Variants in SIL1 observed in about 807,000 individuals in gnomAD.
SIL1 encodes SIL1 nucleotide exchange factor.
In SIL1, 40 loss-of-function variants were observed where a neutral mutation model predicts 49.1. The observed-to-expected ratio is 0.81, with a 90% confidence interval of 0.63 to 1.06. SIL1 has a LOEUF of 1.06. Among genes scored for constraint, SIL1 ranks in the 50% least tolerant of loss-of-function variants. SIL1 has a pLI of 0.00. For synonymous variants in SIL1, 253 were observed against 250.8 expected (o/e 1.01, Z -0.08); for missense variants, 500 against 572.6 (o/e 0.87, Z 1.29).
intron 7 of SIL1, chr5:138,953,199 A>C (rs905850216): frequency 3.9e-5 from 6 of 152,180 alleles, no homozygotes; most frequent in Non-Finnish European, 7.3e-5. Flanking sequence ...GTTCCTCCTA[A>C]CTCCCAACCC....
intron 1 of SIL1, among the ~76,000 whole-genome samples, chr5:139,153,535 G>T (rs569481785): frequency 6.6e-6 from 1 of 152,176 alleles, no homozygotes; most frequent in South Asian, 2.1e-4. Flanking sequence ...GTTCTATCCT[G>T]GTTCACCCCC....
intron 7 of SIL1, among the ~76,000 whole-genome samples, chr5:138,982,103 T>C (rs1204975292): frequency 6.6e-6 from 1 of 152,224 alleles, no homozygotes; most frequent in African/African-American, 2.4e-5. Flanking sequence ...ATGTTGTAGG[T>C]ACTTTTTTCT....
rs201693907 is a variant in SIL1 at position 139,178,493 on chromosome 5, ACT to A, written c.-11+19774_-11+19775del. Among the ~76,000 whole-genome samples, 100 of 151,024 alleles carry A rather than the reference ACT, an allele frequency of 6.6e-4. 1 individual carries two copies. In the East Asian group the frequency reaches 0.017, roughly 26 times the overall value. On this transcript the variant is annotated intron_variant, in intron 1 of 9. Coordinates refer to ENST00000394817, the MANE Select transcript of SIL1 (RefSeq NM_022464.5). The stretch of plus-strand genomic sequence containing the variant: ...CCTCCAACCTCAGCTGGCTCCTCTC[ACT>A]CTCTGTGCTCCAACCATACTTTCAG...
rs575892402 is a variant in SIL1 at position 139,144,045 on chromosome 5, G to A, written c.-10-16192C>T. On this transcript the variant is annotated intron_variant, in intron 1 of 9. Coordinates refer to ENST00000394817, the MANE Select transcript of SIL1 (RefSeq NM_022464.5). ...ATGATAGTATTACCCAAAGCAATAC[G>A]CAGATGCAACGCAATCCCTTTCAAA... Among the ~76,000 whole-genome samples the A allele has an allele frequency of 2.6e-5, 4 of 152,362 alleles. No individual in the cohort carries two copies. The East Asian group carries it at 5.8e-4, about 22-fold the overall frequency.
chr5:138,999,723 C>A (rs34035808), intron 7 of SIL1, among the ~76,000 whole-genome samples: 1 of 152,104 alleles, frequency 6.6e-6, no homozygotes, highest in Non-Finnish European at 1.5e-5. Context: ...TTACTGAAAT[C>A]GTTTATCAGT....
chr5:138,954,574 C>A (rs545696030), intron 7 of SIL1, among the ~76,000 whole-genome samples: 1 of 152,276 alleles, frequency 6.6e-6, no homozygotes. Flanking sequence ...ATGAGGCTTG[C>A]GCTTCCAGCT....
At chr5:139,044,805 T>G (rs1475428476) in intron 4 of SIL1, among the ~76,000 whole-genome samples, 1 of 152,156 alleles carries the variant, frequency 6.6e-6, no homozygotes, top group Non-Finnish European at 1.5e-5. Flanking sequence ...CTCCACAGTC[T>G]CTTCTGGTTA....
chr5:139,171,697 TA>T (rs200709072), intron 1 of SIL1, among the ~76,000 whole-genome samples: 40 of 69,320 alleles, frequency 5.8e-4, no homozygotes, highest in Non-Finnish European at 1.2e-3. Flanking sequence ...GAATGATCAA[TA>T]AAAAAAAATA....
intron 7 of SIL1, chr5:139,013,623 G>C (rs1241864400): frequency 1.3e-5 from 2 of 152,188 alleles, no homozygotes; most frequent in African/African-American, 2.4e-5. Flanking sequence ...TTCCCCTGCA[G>C]TTACACAGAG....
At chr5:139,098,809 C>CTTTTTTTTTTTTT (rs59863544) in intron 3 of SIL1, among the ~76,000 whole-genome samples, 1 of 89,048 alleles carries the variant, frequency 1.1e-5, no homozygotes, top group Non-Finnish European at 2.1e-5. Context: ...TTTTCTTACT[C>CTTTTTTTTTTTTT]TTTTTTTTTT....
At chr5:139,185,219 G>A (rs1375299184) in intron 1 of SIL1, among the ~76,000 whole-genome samples, 3 of 152,164 alleles carry the variant, frequency 2.0e-5, no homozygotes, top group Admixed American at 6.5e-5. Flanking sequence ...GTCAGGGTGT[G>A]TGAGTGTACC....
chr5:139,071,426 T>G (rs1769832214), intron 3 of SIL1, among the ~76,000 whole-genome samples: 1 of 152,206 alleles, frequency 6.6e-6, no homozygotes, highest in Non-Finnish European at 1.5e-5. Flanking sequence ...CCTGCTGAAG[T>G]GCTCGGCAAA....
At chr5:139,121,315 TC>T in intron 2 of SIL1, 142 bp from the exon 3 acceptor site, 2 of 1,170,542 alleles carry the variant, frequency 1.7e-6, no homozygotes, top group Non-Finnish European at 2.5e-6. Context: ...GCAATTCCTT[TC>T]CCAAGGTCAG....
At chr5:139,053,135 G>C (rs1769330302) in intron 3 of SIL1, among the ~76,000 whole-genome samples, 1 of 152,132 alleles carries the variant, frequency 6.6e-6, no homozygotes, top group African/African-American at 2.4e-5. Context: ...CACCTGGAGA[G>C]ATCCCAAACT....
At chr5:139,035,398 T>C in intron 5 of SIL1, 2 of 539,604 alleles carry the variant, frequency 3.7e-6, no homozygotes, top group Non-Finnish European at 3.7e-6. Flanking sequence ...TTGAGGGCTT[T>C]GACGATCAGG....
intron 1 of SIL1, among the ~76,000 whole-genome samples, chr5:139,185,379 C>T (rs554396260): frequency 1.3e-5 from 2 of 152,242 alleles, no homozygotes; most frequent in South Asian, 4.1e-4. Context: ...ATGTATAGCT[C>T]ACATTTATCT....
intron 1 of SIL1, among the ~76,000 whole-genome samples, chr5:139,159,706 T>C (rs1751471370): frequency 6.6e-6 from 1 of 152,168 alleles, no homozygotes; most frequent in Admixed American, 6.5e-5. Context: ...TGTGTGCATG[T>C]GTAAGAGAAG....
intron 3 of SIL1, among the ~76,000 whole-genome samples, chr5:139,090,651 G>A (rs576183889): frequency 3.9e-5 from 6 of 152,148 alleles, no homozygotes; most frequent in African/African-American, 1.2e-4. Context: ...TCGCTCTGTC[G>A]GCCAGGCTGG....
At chr5:139,129,651 A>G (rs1446452720) in intron 1 of SIL1, among the ~76,000 whole-genome samples, 1 of 152,250 alleles carries the variant, frequency 6.6e-6, no homozygotes, top group Non-Finnish European at 1.5e-5. Flanking sequence ...CAGCCTGGGC[A>G]ACAGAGCGAG....
Sources: allele counts gnomAD v4.1 joint callset (sites outside exome capture counted in the v4.1 genomes callset), GRCh38; gene constraint gnomAD v4.1.1; transcripts MANE v1.5; gene names NCBI Gene and HGNC (gene_info 2026-07-23, HGNC 2026-07-21).